CTNNA2: variants seen among roughly 807,000 people sequenced by gnomAD.
CTNNA2 encodes catenin alpha-2.
In CTNNA2, 42 loss-of-function variants were observed where a neutral mutation model predicts 101.0. The ratio of observed to expected loss-of-function variants is 0.42; its 90% CI spans 0.32 to 0.54. CTNNA2 has a LOEUF of 0.54. CTNNA2 is among the 20% of genes least tolerant of loss of function. The probability of loss-of-function intolerance (pLI) is 0.14; values close to 1 mark genes in which losing one functional copy is unlikely to be tolerated. For synonymous variants in CTNNA2, 450 were observed against 456.4 expected (o/e 0.99, Z 0.18); for missense variants, 871 against 1,223.1 (o/e 0.71, Z 4.29).
chr2:79,933,871 T>A lies in CTNNA2; in HGVS notation c.1056+24074T>A, dbSNP rs1219390313. 3.3e-5 allele frequency among the ~76,000 whole-genome samples: 5 copies of A among 152,344 alleles called. No homozygotes were observed. In the East Asian group the frequency reaches 7.7e-4, roughly 24 times the overall value. On this transcript the variant is annotated intron_variant, in intron 7 of 18. Transcript: ENST00000402739. ...TTTGTGTGGTTTTAGTTTTTTAACATTTTTTGAATAGTTGTGACAGCTTGA... is the reference window on the plus strand; with the variant it reads ...TTTGTGTGGTTTTAGTTTTTTAACAATTTTTGAATAGTTGTGACAGCTTGA...
chr2:79,287,791 C>T (rs969976179), intron 2 of CTNNA2, among the ~76,000 whole-genome samples: 9 of 152,204 alleles, frequency 5.9e-5, no homozygotes, highest in Admixed American at 1.3e-4. Flanking sequence ...TCCAGCTTCC[C>T]GGCTGCTTTG....
chr2:80,167,966 A>G (rs1473602112), intron 7 of CTNNA2, among the ~76,000 whole-genome samples: 1 of 152,154 alleles, frequency 6.6e-6, no homozygotes, highest in Non-Finnish European at 1.5e-5. Context: ...ATCAGCGTGT[A>G]TTTGTGTGCT....
Position 79,716,927 on chromosome 2 carries a change from A to G in CTNNA2, c.103-27460A>G, listed in dbSNP as rs532424432. On this transcript the variant is annotated intron_variant, in intron 2 of 18. Coordinates refer to ENST00000402739, the MANE Select transcript of CTNNA2 (RefSeq NM_001282597.3). ...GACACTGAAAGTGGTTGGAAAAATA[A>G]TTGTGCTTTAATGTTGGAAGGAAAA... Among the ~76,000 whole-genome samples the G allele has an allele frequency of 1.1e-3, 169 of 152,328 alleles. 1 individual carries two copies. Among genetic ancestry groups the G allele is most frequent in the African/African-American group, 3.8e-3 (159 of 41,570 alleles).
intron 7 of CTNNA2, among the ~76,000 whole-genome samples, chr2:80,066,708 C>A (rs1030977719): frequency 6.6e-6 from 1 of 152,100 alleles, no homozygotes; most frequent in Non-Finnish European, 1.5e-5. Flanking sequence ...ATCAAACTAC[C>A]ATATGATCCA....
chr2:79,895,932 T>G (rs796302574), intron 6 of CTNNA2, among the ~76,000 whole-genome samples: 1 of 152,292 alleles, frequency 6.6e-6, no homozygotes, highest in African/African-American at 2.4e-5. Flanking sequence ...TCAGAGGAGA[T>G]TCTCAGAATT....
At chr2:79,773,932 AT>A (rs1673775815) in intron 3 of CTNNA2, among the ~76,000 whole-genome samples, 1 of 152,114 alleles carries the variant, frequency 6.6e-6, no homozygotes, top group Non-Finnish European at 1.5e-5. Context: ...TGGCTGCTGT[AT>A]TATTATAGAG....
intron 8 of CTNNA2, 100 bp downstream of exon 8, chr2:80,393,391 T>C (rs1677706275): frequency 1.2e-6 from 1 of 832,632 alleles, no homozygotes; most frequent in South Asian, 1.7e-5. Context: ...AATGAGGTTG[T>C]TATTCTTTAT....
At chr2:79,847,200 G>T (rs1680299515) in intron 3 of CTNNA2, among the ~76,000 whole-genome samples, 1 of 152,046 alleles carries the variant, frequency 6.6e-6, no homozygotes, top group Non-Finnish European at 1.5e-5. Flanking sequence ...TTTATGTGTG[G>T]TTCAGAAGAG....
intron 7 of CTNNA2, among the ~76,000 whole-genome samples, chr2:80,290,014 C>T (rs79958959): frequency 0.018 from 2,786 of 152,252 alleles, 38 homozygotes; most frequent in Non-Finnish European, 0.03. Context: ...CATCACTCTC[C>T]TCCCACTGCC....
At position 80,613,830 on chromosome 2, in the gene CTNNA2, T is replaced by C. The variant is rs1698646287; in HGVS notation, c.2431-5255T>C. ...GACATGGATTGACCTTAATTCGATC[T>C]ACTACTCTGTGGATGGATTTGATTG... On this transcript the variant is annotated intron_variant, in intron 17 of 18. Transcript: ENST00000402739. Among the ~76,000 whole-genome samples, 4 of 151,658 alleles carry C rather than the reference T, an allele frequency of 2.6e-5. No individual in the cohort carries two copies. In the South Asian group the frequency reaches 8.3e-4, roughly 31 times the overall value.
chr2:80,376,155 T>C (rs770880878), intron 7 of CTNNA2, among the ~76,000 whole-genome samples: 75 of 152,120 alleles, frequency 4.9e-4, no homozygotes, highest in Non-Finnish European at 4.0e-4. Context: ...TTCCCCTCAG[T>C]TTTTTGTTTA....
intron 7 of CTNNA2, among the ~76,000 whole-genome samples, chr2:80,360,130 A>G (rs575774636): frequency 6.6e-4 from 101 of 152,160 alleles, no homozygotes; most frequent in African/African-American, 2.3e-3. Context: ...TAATTTTCTT[A>G]TTGTTTTGAA....
At position 80,601,417 on chromosome 2, in the gene CTNNA2, C is replaced by CTTTTTTTTTTTTTTTTTTTTTTTTT. The variant is rs375645223; in HGVS notation, c.2190-2654_2190-2653insTTTTTTTTTTTTTTTTTTTTTTTTT. 1.2e-3 allele frequency among the ~76,000 whole-genome samples: 115 copies of CTTTTTTTTTTTTTTTTTTTTTTTTT among 94,136 alleles called. 8 individuals carry two copies. The highest frequency in any genetic ancestry group is 1.6e-3 in the Non-Finnish European group (71 of 45,612). The allele number at this position is 94,136 out of a possible 152,430, so 61.8% of individuals were successfully genotyped here. ...GATTTAATGACTTTTTTCTTTCTTT[C>CTTTTTTTTTTTTTTTTTTTTTTTTT]TTTCTTTTTTTTTTTTTTTGATGAG... On this transcript the variant is annotated intron_variant, in intron 15 of 18. Transcript: ENST00000402739.
chr2:80,579,002 C>A (rs1278438920), intron 13 of CTNNA2: 1 of 152,070 alleles, frequency 6.6e-6, no homozygotes, highest in African/African-American at 2.4e-5. Context: ...TCCTATACAT[C>A]TAAGCTTAGG....
intron 1 of CTNNA2, among the ~76,000 whole-genome samples, chr2:79,629,529 C>T (rs1184373622): frequency 1.3e-5 from 2 of 152,012 alleles, no homozygotes; most frequent in Non-Finnish European, 2.9e-5. Context: ...GATTAGTAGG[C>T]CTAGGATGTG....
intron 7 of CTNNA2, among the ~76,000 whole-genome samples, chr2:80,011,787 C>T (rs145590637): frequency 7.2e-4 from 109 of 152,190 alleles, no homozygotes; most frequent in African/African-American, 2.4e-3. Flanking sequence ...TTAGGTGTTA[C>T]GATGTTCCAG....
chr2:79,554,590 A>G (rs190402584), intron 1 of CTNNA2, among the ~76,000 whole-genome samples: 8 of 152,258 alleles, frequency 5.3e-5, no homozygotes, highest in South Asian at 2.1e-4. Context: ...AAAAAGCCCA[A>G]TGATTCTGGA....
intron 3 of CTNNA2, among the ~76,000 whole-genome samples, chr2:79,332,319 G>T (rs73938202): frequency 0.11 from 16,568 of 149,382 alleles, 1,098 homozygotes; most frequent in East Asian, 0.26. Context: ...AAAAAAAGAC[G>T]ATGGCCAACA....
chr2:80,169,423 C>T (rs990640671), intron 7 of CTNNA2, among the ~76,000 whole-genome samples: 2 of 152,034 alleles, frequency 1.3e-5, no homozygotes, highest in South Asian at 2.1e-4. Context: ...CAAAGGTATA[C>T]GTTATAAAGG....
Sources: allele counts gnomAD v4.1 joint callset (sites outside exome capture counted in the v4.1 genomes callset), GRCh38; gene constraint gnomAD v4.1.1; transcripts MANE v1.5; gene names NCBI Gene and HGNC (gene_info 2026-07-23, HGNC 2026-07-21).